Variants in SLC25A43 observed in about 807,000 individuals in gnomAD.
The protein encoded by SLC25A43 is solute carrier family 25 member 43, also known as solute carrier family 25, member 43.
A neutral mutation model predicts 22.8 loss-of-function variants in SLC25A43; 10 were observed. The observed-to-expected ratio is 0.44, with a 90% CI of 0.27 to 0.74. The LOEUF (loss-of-function observed/expected upper bound fraction) is 0.74, where lower values mean the gene tolerates loss of function less well. Ranked by LOEUF, SLC25A43 falls within the 30% of genes least tolerant of loss-of-function variation. The pLI, the probability that SLC25A43 is intolerant of heterozygous loss-of-function variation, is 0.17. For synonymous variants in SLC25A43, 106 were observed against 121.6 expected, an observed-to-expected ratio of 0.87 and a Z score of 0.84; for missense variants, 233 against 279.1, an observed-to-expected ratio of 0.83 and a Z score of 1.18.
At chrX:119,418,468 T>A (rs2052425179) in intron 3 of SLC25A43, among the ~76,000 whole-genome samples, 2 of 112,078 alleles carry the variant, frequency 1.8e-5, no homozygotes, top group African/African-American at 6.5e-5. Context: ...GGAATTTTTC[T>A]CGATCCCTGC....
intron 4 of SLC25A43, among the ~76,000 whole-genome samples, chrX:119,452,618 C>T (rs1256340709): frequency 1.8e-5 from 2 of 111,647 alleles, no homozygotes; most frequent in East Asian, 2.8e-4. Flanking sequence ...AGTCTGCGTG[C>T]ATATGACCCA....
intron 3 of SLC25A43, among the ~76,000 whole-genome samples, chrX:119,416,466 G>A (rs1021756578): frequency 3.6e-5 from 4 of 112,189 alleles, no homozygotes; most frequent in African/African-American, 1.3e-4. Context: ...TGATCTGCCC[G>A]CTTTGGCCTC....
chrX:119,452,842 A>T, intron 4 of SLC25A43, 23 bp from the exon 5 acceptor site: 1 of 1,169,817 alleles, frequency 8.5e-7, no homozygotes, highest in South Asian at 1.8e-5. Flanking sequence ...ACTTAACTTG[A>T]TTTTCATTTT....
chrX:119,452,755 C>T (rs1341151077), intron 4 of SLC25A43, 110 bp from the exon 5 acceptor site: 9 of 579,135 alleles, frequency 1.6e-5, no homozygotes, highest in African/African-American at 9.2e-5. Flanking sequence ...GTATTGCCAC[C>T]GCCATTATCT....
intron 3 of SLC25A43, among the ~76,000 whole-genome samples, chrX:119,442,729 T>C (rs1385509783): frequency 8.9e-6 from 1 of 112,498 alleles, no homozygotes; most frequent in Non-Finnish European, 1.9e-5. Context: ...CTACAATGTC[T>C]TGTGAAGAGA....
At chrX:119,426,202 C>T (rs926123862) in intron 3 of SLC25A43, 8 of 753,956 alleles carry the variant, frequency 1.1e-5, no homozygotes, top group Admixed American at 8.8e-5. Flanking sequence ...TATTTGCCTA[C>T]GACGGCTGTG....
chrX:119,404,592 AGATTTG>A (rs1282781084), intron 1 of SLC25A43, among the ~76,000 whole-genome samples: 4 of 111,211 alleles, frequency 3.6e-5, no homozygotes, highest in African/African-American at 1.3e-4. Context: ...TTTTTATGGA[AGATTTG>A]TTACAGAGGC....
intron 3 of SLC25A43, among the ~76,000 whole-genome samples, chrX:119,425,575 G>T (rs2052496199): frequency 9.5e-6 from 1 of 105,555 alleles, no homozygotes; most frequent in Non-Finnish European, 1.9e-5. Flanking sequence ...TTTAGGTCTG[G>T]CCCCTTTGTG....
At chrX:119,445,657 G>T (rs644) in intron 3 of SLC25A43, among the ~76,000 whole-genome samples, 26,238 of 111,090 alleles carry the variant, frequency 0.24, 2,452 homozygotes, top group African/African-American at 0.33. Flanking sequence ...CCTCTGCTAT[G>T]CACCAGCTGG....
intron 2 of SLC25A43, among the ~76,000 whole-genome samples, chrX:119,407,986 G>C (rs866127236): frequency 9.0e-5 from 10 of 110,789 alleles, no homozygotes; most frequent in African/African-American, 3.3e-4. Flanking sequence ...TTCCACTCTT[G>C]GTATCTCCTG....
intron 3 of SLC25A43, among the ~76,000 whole-genome samples, chrX:119,424,430 G>C (rs1007602345): frequency 1.8e-5 from 2 of 110,428 alleles, no homozygotes; most frequent in Admixed American, 9.7e-5. Context: ...AAGTGGCGAA[G>C]CTGGGACTTG....
chrX:119,452,357 G>A (rs1300552768), intron 4 of SLC25A43, among the ~76,000 whole-genome samples: 8 of 111,082 alleles, frequency 7.2e-5, no homozygotes, highest in Admixed American at 5.8e-4. Flanking sequence ...CAGAGGAGCT[G>A]AGCATTTAGT....
intron 3 of SLC25A43, among the ~76,000 whole-genome samples, chrX:119,446,889 G>A (rs757331081): frequency 8.9e-6 from 1 of 112,335 alleles, no homozygotes; most frequent in South Asian, 3.7e-4. Context: ...CATGATTACA[G>A]TACAATTGTG....
At position 119,407,943 on chromosome X, in the gene SLC25A43, C is replaced by T. The variant is rs764854297; in HGVS notation, c.517+1242C>T. ...CACAGGTCCTTACAACTCAGACTCT[C>T]AGGGTCTCCCACAGACTCTGGCTCC... is the stretch of plus-strand genomic sequence containing the variant. On this transcript the variant is annotated intron_variant, in intron 2 of 4. Transcript: ENST00000217909. Among the ~76,000 whole-genome samples, 17 of 111,040 alleles carry T rather than the reference C, an allele frequency of 1.5e-4. 1 individual carries two copies. Among genetic ancestry groups the T allele is most frequent in the African/African-American group, 3.3e-5 (1 of 30,591 alleles).
At chrX:119,426,816 T>TAA (rs397813108) in intron 3 of SLC25A43, among the ~76,000 whole-genome samples, 55 of 96,309 alleles carry the variant, frequency 5.7e-4, no homozygotes, top group South Asian at 3.5e-3. Flanking sequence ...AAACTCTATT[T>TAA]AAAAAAAAAA....
At chrX:119,445,841 G>T (rs1271936052) in intron 3 of SLC25A43, among the ~76,000 whole-genome samples, 1 of 111,085 alleles carries the variant, frequency 9.0e-6, no homozygotes. Context: ...CAGAAGGAGA[G>T]CAAGAAAGAG....
At chrX:119,416,066 T>G (rs1020816406) in intron 3 of SLC25A43, among the ~76,000 whole-genome samples, 59 of 94,316 alleles carry the variant, frequency 6.3e-4, no homozygotes, top group African/African-American at 2.3e-3. Context: ...GTCATCTAAG[T>G]TTTTTTTTTA....
intron 1 of SLC25A43, 29 bp from the exon 2 acceptor site, chrX:119,406,431 C>A (rs1433067433): frequency 8.3e-7 from 1 of 1,205,028 alleles, no homozygotes; most frequent in Non-Finnish European, 1.1e-6. Flanking sequence ...TAGTTGATTT[C>A]TCTGGCCTTT....
At chrX:119,450,813 G>C (rs2052700995) in intron 3 of SLC25A43, among the ~76,000 whole-genome samples, 1 of 112,677 alleles carries the variant, frequency 8.9e-6, no homozygotes, top group Admixed American at 9.4e-5. Context: ...GGTAGTACCA[G>C]TTTTATATGT....
Sources: allele counts gnomAD v4.1 joint callset (sites outside exome capture counted in the v4.1 genomes callset), GRCh38; gene constraint gnomAD v4.1.1; transcripts MANE v1.5; gene names NCBI Gene and HGNC (gene_info 2026-07-23, HGNC 2026-07-21).